SORCS2: variants seen among roughly 807,000 people sequenced by gnomAD.
SORCS2 encodes the protein VPS10 domain-containing receptor SorCS2.
A neutral mutation model predicts 141.6 loss-of-function variants in SORCS2; 100 were observed. The ratio of observed to expected loss-of-function variants is 0.71; its 90% CI spans 0.60 to 0.83. The LOEUF (loss-of-function observed/expected upper bound fraction) is 0.83. Ranked by LOEUF, SORCS2 falls within the 40% of genes least tolerant of loss-of-function variation. SORCS2 has a pLI of 0.00. For synonymous variants in SORCS2, 789 were observed against 676.9 expected, an observed-to-expected ratio of 1.17 and a Z score of -2.57; for missense variants, 1,646 against 1,560.2, an observed-to-expected ratio of 1.05 and a Z score of -0.93.
At chr4:7,276,902 G>A (rs751665972) in intron 1 of SORCS2, among the ~76,000 whole-genome samples, 9 of 152,160 alleles carry the variant, frequency 5.9e-5, no homozygotes, top group East Asian at 1.9e-4. Context: ...ACAGAGCTCC[G>A]CTCAGTGGTA....
chr4:7,602,443 G>C (rs1302164437), intron 3 of SORCS2, among the ~76,000 whole-genome samples: 1 of 151,626 alleles, frequency 6.6e-6, no homozygotes, highest in African/African-American at 2.4e-5. Flanking sequence ...AGACAGGGTC[G>C]CGGCCAGGCA....
At chr4:7,457,960 C>G (rs1729026747) in intron 2 of SORCS2, among the ~76,000 whole-genome samples, 1 of 152,164 alleles carries the variant, frequency 6.6e-6, no homozygotes, top group African/African-American at 2.4e-5. Flanking sequence ...GACGTCCACA[C>G]TGTTAGCCCG....
intron 1 of SORCS2, among the ~76,000 whole-genome samples, chr4:7,320,768 T>C (rs4072793): frequency 0.23 from 34,672 of 152,000 alleles, 4,379 homozygotes; most frequent in Non-Finnish European, 0.29. Flanking sequence ...GAAAGCGTGA[T>C]TGGAGAGCCA....
intron 18 of SORCS2, among the ~76,000 whole-genome samples, chr4:7,718,442 G>A (rs1178450657): frequency 6.6e-6 from 1 of 152,232 alleles, no homozygotes; most frequent in Non-Finnish European, 1.5e-5. Context: ...CCGCAGAGCA[G>A]AAGGAGACGT....
chr4:7,658,665 C>T (rs1168543880), intron 5 of SORCS2, among the ~76,000 whole-genome samples: 1 of 152,226 alleles, frequency 6.6e-6, no homozygotes, highest in Non-Finnish European at 1.5e-5. Flanking sequence ...TGCCACATGG[C>T]ACATATGTGG....
intron 2 of SORCS2, among the ~76,000 whole-genome samples, chr4:7,476,934 C>A (rs940765739): frequency 6.6e-6 from 1 of 152,252 alleles, no homozygotes; most frequent in Non-Finnish European, 1.5e-5. Context: ...GAAACTCACA[C>A]CTGCTGAGCT....
chr4:7,683,650 A>C (rs1723702864), intron 10 of SORCS2, among the ~76,000 whole-genome samples: 2 of 152,212 alleles, frequency 1.3e-5, no homozygotes, highest in Admixed American at 1.3e-4. Context: ...CATGGGAGTG[A>C]GGGCTGAGGA....
intron 3 of SORCS2, among the ~76,000 whole-genome samples, chr4:7,577,445 G>A (rs1350517007): frequency 1.3e-5 from 2 of 152,006 alleles, no homozygotes; most frequent in African/African-American, 2.4e-5. Flanking sequence ...GCATACAGGC[G>A]AAGTCAGCTA....
intron 2 of SORCS2, among the ~76,000 whole-genome samples, chr4:7,523,825 G>A (rs1197714620): frequency 2.0e-5 from 3 of 152,080 alleles, no homozygotes; most frequent in Non-Finnish European, 2.9e-5. Flanking sequence ...CTGCTCCACC[G>A]TGTTCCTCGA....
At chr4:7,609,775 A>C (rs1718289940) in intron 3 of SORCS2, among the ~76,000 whole-genome samples, 1 of 152,120 alleles carries the variant, frequency 6.6e-6, no homozygotes, top group Non-Finnish European at 1.5e-5. Flanking sequence ...GGGCCTTGGG[A>C]TGACAAGGGT....
chr4:7,535,527 T>A (rs1483917473), intron 3 of SORCS2, among the ~76,000 whole-genome samples: 1 of 152,026 alleles, frequency 6.6e-6, no homozygotes, highest in African/African-American at 2.4e-5. Flanking sequence ...GAAATGGGGG[T>A]AGTAGCAGCA....
chr4:7,729,854 T>C, intron 23 of SORCS2, 142 bp downstream of exon 23: 1 of 1,250,362 alleles, frequency 8.0e-7, no homozygotes. Context: ...CAGGGTGGCT[T>C]GACCTCGTCC....
chr4:7,726,981 G>C, intron 21 of SORCS2, 78 bp downstream of exon 21: 1 of 1,430,268 alleles, frequency 7.0e-7, no homozygotes. Context: ...CATGGGTCGC[G>C]TAAGCCATGG....
chr4:7,740,157 C>T, intron 26 of SORCS2, 43 bp from the exon 27 acceptor site: 5 of 1,567,168 alleles, frequency 3.2e-6, no homozygotes, highest in Non-Finnish European at 4.3e-6. Context: ...GTCTCCAGTC[C>T]CGGGCTTGTG....
chr4:7,493,498 A>C (rs149692113), intron 2 of SORCS2, among the ~76,000 whole-genome samples: 1,626 of 152,292 alleles, frequency 0.011, 10 homozygotes, highest in Non-Finnish European at 0.018. Context: ...GGTACATCTG[A>C]GTCGCAGTGT....
At chr4:7,725,063 T>C in intron 19 of SORCS2, 91 bp from the exon 20 acceptor site, 2 of 1,387,870 alleles carry the variant, frequency 1.4e-6, no homozygotes, top group Non-Finnish European at 2.0e-6. Context: ...ATGATAGCAA[T>C]GAAGTTGCTG....
At chr4:7,446,252 C>T (rs1328856657) in intron 2 of SORCS2, among the ~76,000 whole-genome samples, 1 of 152,128 alleles carries the variant, frequency 6.6e-6, no homozygotes, top group Non-Finnish European at 1.5e-5. Context: ...TCTGATGTCG[C>T]ACAGTGAGTT....
intron 3 of SORCS2, among the ~76,000 whole-genome samples, chr4:7,608,927 C>CA (rs1718227114): frequency 6.6e-6 from 1 of 152,174 alleles, no homozygotes; most frequent in Non-Finnish European, 1.5e-5. Context: ...GGGCCAGCAT[C>CA]AGGCACTAGC....
intron 1 of SORCS2, among the ~76,000 whole-genome samples, chr4:7,318,574 C>T (rs182169488): frequency 9.9e-4 from 151 of 152,282 alleles, no homozygotes; most frequent in South Asian, 4.1e-4. Flanking sequence ...AAATGTCTAT[C>T]GCATCTATGC....
Sources: allele counts gnomAD v4.1 joint callset (sites outside exome capture counted in the v4.1 genomes callset), GRCh38; gene constraint gnomAD v4.1.1; transcripts MANE v1.5; gene names NCBI Gene and HGNC (gene_info 2026-07-23, HGNC 2026-07-21).